Variants in TMEM245 observed in about 807,000 individuals in gnomAD.
TMEM245 encodes protein CG-2.
A neutral mutation model predicts 101.2 loss-of-function variants in TMEM245; 69 were observed. The ratio of observed to expected loss-of-function variants is 0.68; its 90% CI spans 0.56 to 0.83. TMEM245 has a LOEUF of 0.83. Among genes scored for constraint, TMEM245 ranks in the 40% least tolerant of loss-of-function variants. TMEM245 has a pLI of 0.00. For missense variants in TMEM245, 1,075 were observed against 1,092.8 expected (o/e 0.98, Z 0.23); for synonymous variants, 537 against 449.8 (o/e 1.19, Z -2.45).
rs1827440373 is a variant in TMEM245, at chr9:109,016,420, C to G, written c.*4040G>C. ...AAAGAGAAGTAGAACAACGGACTGA[C>G]AGAAAAAAAAGAACTCTATTCTATT... On this transcript the variant is annotated 3_prime_UTR_variant, in exon 18 of 18. Coordinates refer to ENST00000374586, the MANE Select transcript of TMEM245 (RefSeq NM_032012.4). The G allele has an allele frequency of 7.4e-6, 1 of 135,998 alleles. No homozygotes were observed. The highest frequency in any genetic ancestry group is 2.3e-4 in the South Asian group (1 of 4,294). The allele number at this position is 135,998 out of a possible 1,614,324, so 8.4% of individuals were successfully genotyped here. A position where few individuals can be genotyped will look rare whatever the true frequency, so the allele number is the denominator to read the frequency against.
chr9:109,108,108 G>A (rs1322767170), intron 2 of TMEM245, among the ~76,000 whole-genome samples: 2 of 151,942 alleles, frequency 1.3e-5, no homozygotes, highest in African/African-American at 4.8e-5. Context: ...TCCTTTAACT[G>A]GTTCTCACAC....
intron 9 of TMEM245, among the ~76,000 whole-genome samples, chr9:109,066,592 G>T (rs933721652): frequency 6.6e-6 from 1 of 151,784 alleles, no homozygotes; most frequent in African/African-American, 2.4e-5. Flanking sequence ...TGATTCGGGA[G>T]AAATTAAGTA....
rs930593433 is a variant in TMEM245, at chr9:109,018,991, C to G, written c.*1469G>C. On this transcript the variant is annotated 3_prime_UTR_variant, in exon 18 of 18. Transcript: ENST00000374586. ...AATCCCTGGGCTCAAGCAATCCACC[C>G]ACCTCAGCCTTCCAAAGTGCTGGGA... The G allele has an allele frequency of 6.6e-6, 1 of 150,956 alleles. No individual in the cohort carries two copies. Among genetic ancestry groups the G allele is most frequent in the Admixed American group, 6.6e-5 (1 of 15,070 alleles). 9.4% of individuals were successfully genotyped at this position (150,956 alleles called of 1,614,324 possible).
chr9:109,080,572 GTTC>G lies in TMEM245; in HGVS notation c.1449+264_1449+266del, dbSNP rs368281069. Among the ~76,000 whole-genome samples the G allele has an allele frequency of 7.2e-3, 1,090 of 152,064 alleles. 13 individuals carry two copies. The highest frequency in any genetic ancestry group is 0.025 in the African/African-American group (1,037 of 41,500). On this transcript the variant is annotated intron_variant, in intron 8 of 17. Transcript: ENST00000374586. ...AAACTAAAAAAAACAAGCGCCACTT[GTTC>G]TTCATTATCTCATTTTTTTCATTTG...
chr9:109,056,295 G>A (rs1828833240), intron 12 of TMEM245, among the ~76,000 whole-genome samples: 1 of 151,844 alleles, frequency 6.6e-6, no homozygotes, highest in Non-Finnish European at 1.5e-5. Flanking sequence ...GTATTACTTT[G>A]ATAAAAATTA....
Position 109,018,697 on chromosome 9 carries a change from C to A in TMEM245, c.*1763G>T, listed in dbSNP as rs554379533. 2 of 151,788 alleles carry A rather than the reference C, an allele frequency of 1.3e-5. No homozygotes were observed. Among genetic ancestry groups the A allele is most frequent in the South Asian group, 2.1e-4 (1 of 4,818 alleles). The allele number at this position is 151,788 out of a possible 1,614,324, so 9.4% of individuals were successfully genotyped here. A position where few individuals can be genotyped will look rare whatever the true frequency, so the allele number is the denominator to read the frequency against. ...TAATATTTCTACCTTTAAATACTTTCCAAAAAGGAAATCTTCAACGCTTAA... is the reference window on the plus strand; with the variant it reads ...TAATATTTCTACCTTTAAATACTTTACAAAAAGGAAATCTTCAACGCTTAA... On this transcript the variant is annotated 3_prime_UTR_variant, in exon 18 of 18. Transcript: ENST00000374586.
chr9:109,037,090 G>C (rs555854121), intron 15 of TMEM245, among the ~76,000 whole-genome samples: 1 of 152,280 alleles, frequency 6.6e-6, no homozygotes, highest in African/African-American at 2.4e-5. Flanking sequence ...TAGGGAAAGG[G>C]GGGGATGTGG....
intron 8 of TMEM245, among the ~76,000 whole-genome samples, chr9:109,075,200 G>C (rs192944194): frequency 6.6e-6 from 1 of 152,112 alleles, no homozygotes; most frequent in African/African-American, 2.4e-5. Flanking sequence ...GATGTTAAAC[G>C]GGTTTTACAT....
chr9:109,096,778 A>G (rs1222569721), intron 3 of TMEM245, among the ~76,000 whole-genome samples: 2 of 152,224 alleles, frequency 1.3e-5, no homozygotes, highest in African/African-American at 2.4e-5. Context: ...GCCTCTTCAA[A>G]AGTAATTTAA....
chr9:109,036,896 T>C (rs967623870), intron 15 of TMEM245, among the ~76,000 whole-genome samples: 1 of 152,214 alleles, frequency 6.6e-6, no homozygotes, highest in African/African-American at 2.4e-5. Context: ...AAAGCAAATG[T>C]AGTTTCTAGT....
chr9:109,089,648 G>T lies in TMEM245; in HGVS notation c.1150+1274C>A, dbSNP rs543057425. 9.2e-5 allele frequency among the ~76,000 whole-genome samples: 14 copies of T among 152,232 alleles called. No homozygotes were observed. In the South Asian group the frequency reaches 2.9e-3, roughly 32 times the overall value. On this transcript the variant is annotated intron_variant, in intron 5 of 17. Coordinates refer to ENST00000374586, the MANE Select transcript of TMEM245 (RefSeq NM_032012.4). ...ATAATCAGGAAAATATTAGGTAAAA[G>T]ATGTTTCTACAATGCACCTGTCAGA...
intron 2 of TMEM245, 110 bp downstream of exon 2, chr9:109,108,343 G>T (rs1051160673): frequency 4.3e-6 from 2 of 460,150 alleles, no homozygotes; most frequent in Non-Finnish European, 7.5e-6. Context: ...GATTAAGAAT[G>T]TTAAATGCAA....
At chr9:109,111,458 T>G (rs541669572) in intron 1 of TMEM245, among the ~76,000 whole-genome samples, 36 of 152,238 alleles carry the variant, frequency 2.4e-4, no homozygotes, top group African/African-American at 8.4e-4. Context: ...AATAAGAGAC[T>G]GCATACTTCA....
chr9:109,056,799 T>C (rs1448731317), intron 12 of TMEM245, among the ~76,000 whole-genome samples: 1 of 152,154 alleles, frequency 6.6e-6, no homozygotes, highest in African/African-American at 2.4e-5. Flanking sequence ...TGCTGCAGAC[T>C]GCAGAGGTGA....
At chr9:109,023,388 T>C (rs1827692156) in intron 17 of TMEM245, among the ~76,000 whole-genome samples, 1 of 152,264 alleles carries the variant, frequency 6.6e-6, no homozygotes, top group Non-Finnish European at 1.5e-5. Context: ...CTCATAAAAC[T>C]ATAACTCTCT....
At chr9:109,046,082 T>G (rs1188278865) in intron 14 of TMEM245, 2 of 251,078 alleles carry the variant, frequency 8.0e-6, no homozygotes, top group Non-Finnish European at 1.7e-5. Context: ...AATTGGAAGG[T>G]ACCGATGGGA....
chr9:109,046,364 T>C, intron 14 of TMEM245: 1 of 511,364 alleles, frequency 2.0e-6, no homozygotes, highest in South Asian at 1.4e-5. Flanking sequence ...GGAGACAACA[T>C]GCTGCTGAAG....
chr9:109,029,624 T>C (rs1267294696), intron 17 of TMEM245, among the ~76,000 whole-genome samples: 1 of 152,178 alleles, frequency 6.6e-6, no homozygotes, highest in Non-Finnish European at 1.5e-5. Flanking sequence ...CGAAAATCTA[T>C]AAGAGGATGT....
rs60869717 is a variant in TMEM245 at position 109,016,658 on chromosome 9, GTTTTTTTTT to G, written c.*3793_*3801del. On this transcript the variant is annotated 3_prime_UTR_variant, in exon 18 of 18. Coordinates refer to ENST00000374586, the MANE Select transcript of TMEM245 (RefSeq NM_032012.4). ...AACAGTGGCTGCAGACAGCATGTGT[GTTTTTTTTT>G]TTTTTTTTTTTTGCAGGTTCCCAAT... 3.2e-5 allele frequency: 4 copies of G among 124,726 alleles called. No homozygotes were observed. Among genetic ancestry groups the G allele is most frequent in the Non-Finnish European group, 6.8e-5 (4 of 58,504 alleles). 7.7% of individuals were successfully genotyped at this position (124,726 alleles called of 1,614,324 possible).
Sources: allele counts gnomAD v4.1 joint callset (sites outside exome capture counted in the v4.1 genomes callset), GRCh38; gene constraint gnomAD v4.1.1; transcripts MANE v1.5; gene names NCBI Gene and HGNC (gene_info 2026-07-23, HGNC 2026-07-21).